Variants in ITGBL1 observed in about 807,000 individuals in gnomAD.
The protein encoded by ITGBL1 is integrin beta-like protein 1.
In ITGBL1, 51 loss-of-function variants were observed where a neutral mutation model predicts 68.5. The observed-to-expected ratio is 0.74, with a 90% confidence interval of 0.59 to 0.94. The LOEUF (loss-of-function observed/expected upper bound fraction) is 0.94, where lower values mean the gene tolerates loss of function less well. Among genes scored for constraint, ITGBL1 ranks in the 40% least tolerant of loss-of-function variants. The pLI is 0.00. For synonymous variants in ITGBL1, 209 were observed against 227.3 expected (o/e 0.92, Z 0.72); for missense variants, 649 against 647.4 (o/e 1.00, Z -0.03).
chr13:101,584,496 C>A (rs1260865475), intron 6 of ITGBL1, among the ~76,000 whole-genome samples: 4 of 152,018 alleles, frequency 2.6e-5, no homozygotes, highest in Admixed American at 2.6e-4. Flanking sequence ...TGAAAGTTTG[C>A]CAGCAAAGGG....
At chr13:101,454,150 T>C in intron 2 of ITGBL1, 50 bp downstream of exon 2, 2 of 1,395,872 alleles carry the variant, frequency 1.4e-6, no homozygotes, top group Non-Finnish European at 1.9e-6. Flanking sequence ...ACTCCTCTTC[T>C]GGGATTTCTG....
chr13:101,636,872 G>T (rs1159791542), intron 7 of ITGBL1, among the ~76,000 whole-genome samples: 2 of 152,182 alleles, frequency 1.3e-5, no homozygotes, highest in East Asian at 1.9e-4. Context: ...TCAGTCTACT[G>T]CTTTGATAAA....
intron 7 of ITGBL1, among the ~76,000 whole-genome samples, chr13:101,620,065 C>T (rs115599553): frequency 0.012 from 1,794 of 152,106 alleles, 34 homozygotes; most frequent in African/African-American, 0.041. Flanking sequence ...CATTATATTC[C>T]GTCGTTTAAT....
At chr13:101,605,386 A>G (rs1205905994) in intron 7 of ITGBL1, among the ~76,000 whole-genome samples, 1 of 150,612 alleles carries the variant, frequency 6.6e-6, no homozygotes, top group Non-Finnish European at 1.5e-5. Context: ...ATACACATAT[A>G]TGGGCATGTA....
chr13:101,551,833 G>C (rs533946215), intron 2 of ITGBL1, among the ~76,000 whole-genome samples: 1 of 152,246 alleles, frequency 6.6e-6, no homozygotes, highest in South Asian at 2.1e-4. Flanking sequence ...GTATTATCTA[G>C]AATGATTAAA....
intron 2 of ITGBL1, among the ~76,000 whole-genome samples, chr13:101,455,589 G>C (rs1055657835): frequency 1.4e-4 from 21 of 152,144 alleles, no homozygotes; most frequent in African/African-American, 5.1e-4. Flanking sequence ...GCTTGAACCT[G>C]GGAGGCAGAG....
chr13:101,701,495 C>T (rs957089306), intron 8 of ITGBL1, among the ~76,000 whole-genome samples: 2 of 151,944 alleles, frequency 1.3e-5, no homozygotes, highest in East Asian at 3.9e-4. Context: ...ATTGCCACTG[C>T]GCTCCAGCCT....
chr13:101,562,147 A>G (rs1264742995), intron 2 of ITGBL1, among the ~76,000 whole-genome samples: 1 of 152,090 alleles, frequency 6.6e-6, no homozygotes, highest in East Asian at 1.9e-4. Context: ...TTGAATGTAA[A>G]CTCTGGTTGG....
At chr13:101,495,604 G>A (rs2048846573) in intron 2 of ITGBL1, among the ~76,000 whole-genome samples, 3 of 151,760 alleles carry the variant, frequency 2.0e-5, no homozygotes, top group Non-Finnish European at 1.5e-5. Flanking sequence ...GTACAAAGAG[G>A]TAACTAGCAA....
chr13:101,459,328 T>C (rs2048286857), intron 2 of ITGBL1, among the ~76,000 whole-genome samples: 1 of 152,226 alleles, frequency 6.6e-6, no homozygotes, highest in Non-Finnish European at 1.5e-5. Context: ...TCTGTAACAG[T>C]ATCCTTATGG....
At chr13:101,629,271 T>A (rs2139404791) in intron 7 of ITGBL1, among the ~76,000 whole-genome samples, 1 of 152,286 alleles carries the variant, frequency 6.6e-6, no homozygotes, top group South Asian at 2.1e-4. Context: ...ATCTTTGCTG[T>A]AAGAGAGTAG....
At chr13:101,682,706 GT>G (rs1371647784) in intron 7 of ITGBL1, among the ~76,000 whole-genome samples, 1 of 151,666 alleles carries the variant, frequency 6.6e-6, no homozygotes, top group African/African-American at 2.4e-5. Flanking sequence ...ACATAGTAAT[GT>G]TTTCTTAGTG....
At chr13:101,557,872 T>C (rs1300940705) in intron 2 of ITGBL1, among the ~76,000 whole-genome samples, 3 of 151,772 alleles carry the variant, frequency 2.0e-5, no homozygotes, top group Admixed American at 6.6e-5. Flanking sequence ...GGGCGGATCA[T>C]GAGGTCAGGA....
intron 2 of ITGBL1, among the ~76,000 whole-genome samples, chr13:101,493,223 A>G (rs546962916): frequency 6.6e-6 from 1 of 152,286 alleles, no homozygotes; most frequent in Admixed American, 6.5e-5. Flanking sequence ...TGAGTTTCTT[A>G]CTTAGCAGAA....
chr13:101,662,120 G>A (rs1038373696), intron 7 of ITGBL1, among the ~76,000 whole-genome samples: 26 of 152,098 alleles, frequency 1.7e-4, no homozygotes, highest in African/African-American at 6.3e-4. Flanking sequence ...AATAGCTTTT[G>A]TAGTATGATG....
chr13:101,453,649 C>A (rs562156875), intron 1 of ITGBL1, among the ~76,000 whole-genome samples: 2 of 152,328 alleles, frequency 1.3e-5, no homozygotes, highest in South Asian at 4.1e-4. Context: ...GGCAGGTCAC[C>A]CATTACACAT....
At chr13:101,610,431 G>C (rs1307826050) in intron 7 of ITGBL1, among the ~76,000 whole-genome samples, 2 of 152,106 alleles carry the variant, frequency 1.3e-5, no homozygotes, top group Non-Finnish European at 2.9e-5. Context: ...TTGTGCTATA[G>C]TTGCAAAACG....
At chr13:101,692,056 T>C (rs2033893838) in intron 7 of ITGBL1, among the ~76,000 whole-genome samples, 1 of 152,180 alleles carries the variant, frequency 6.6e-6, no homozygotes, top group African/African-American at 2.4e-5. Context: ...GGTTATGCTC[T>C]TTGACATAGG....
intron 2 of ITGBL1, among the ~76,000 whole-genome samples, chr13:101,497,661 C>T (rs1264873045): frequency 6.6e-6 from 1 of 152,178 alleles, no homozygotes; most frequent in Non-Finnish European, 1.5e-5. Flanking sequence ...AGCAAAGGTG[C>T]TCACTGTCTC....
Sources: allele counts gnomAD v4.1 joint callset (sites outside exome capture counted in the v4.1 genomes callset), GRCh38; gene constraint gnomAD v4.1.1; transcripts MANE v1.5; gene names NCBI Gene and HGNC (gene_info 2026-07-23, HGNC 2026-07-21).